The following MLIP variants were observed in gnomAD, a reference collection of about 807,000 sequenced individuals.
MLIP encodes muscular LMNA interacting protein.
A neutral mutation model predicts 84.8 loss-of-function variants in MLIP; 79 were observed. The ratio of observed to expected loss-of-function variants is 0.93; its 90% CI spans 0.78 to 1.12. The LOEUF is 1.12. MLIP is among the 50% of genes most tolerant of loss of function. MLIP has a pLI of 0.00. For synonymous variants in MLIP, 504 were observed against 463.0 expected, an observed-to-expected ratio of 1.09 and a Z score of -1.14; for missense variants, 1,257 against 1,160.6, an observed-to-expected ratio of 1.08 and a Z score of -1.21.
chr6:54,045,236 T>TA (rs1260276895), intron 1 of MLIP, among the ~76,000 whole-genome samples: 2 of 151,784 alleles, frequency 1.3e-5, no homozygotes, highest in Admixed American at 1.3e-4. Flanking sequence ...TAATCCCAGC[T>TA]ACTCAGGAGG....
intron 4 of MLIP, among the ~76,000 whole-genome samples, chr6:54,146,353 A>G (rs1478280754): frequency 6.6e-6 from 1 of 152,250 alleles, no homozygotes; most frequent in Admixed American, 6.5e-5. Context: ...CTAAAAACAC[A>G]TCTATTAAAC....
intron 8 of MLIP, among the ~76,000 whole-genome samples, chr6:54,168,044 A>G (rs545764615): frequency 1.1e-4 from 17 of 151,984 alleles, no homozygotes; most frequent in African/African-American, 3.9e-4. Flanking sequence ...TTGCCCAGTA[A>G]CTATTCACTT....
chr6:54,183,488 C>A (rs1777087791), intron 9 of MLIP, among the ~76,000 whole-genome samples: 1 of 151,936 alleles, frequency 6.6e-6, no homozygotes, highest in Admixed American at 6.6e-5. Flanking sequence ...TGGGAAGGTG[C>A]CTTATTTCAG....
intron 12 of MLIP, among the ~76,000 whole-genome samples, chr6:54,247,635 A>G (rs9370276): frequency 0.17 from 25,792 of 152,144 alleles, 2,902 homozygotes; most frequent in African/African-American, 0.32. Flanking sequence ...AATGCATAGG[A>G]AGGTGTGGGA....
chr6:54,198,114 G>T (rs1326815166), intron 10 of MLIP, among the ~76,000 whole-genome samples: 1 of 152,104 alleles, frequency 6.6e-6, no homozygotes, highest in Non-Finnish European at 1.5e-5. Context: ...ACATTTTAAT[G>T]TATTGAGTTC....
intron 11 of MLIP, among the ~76,000 whole-genome samples, chr6:54,225,267 C>T (rs141859795): frequency 4.3e-4 from 65 of 152,260 alleles, no homozygotes; most frequent in African/African-American, 1.5e-3. Context: ...TACTACACAC[C>T]TAAGCTATAG....
rs1766187366 is a variant in MLIP, at chr6:54,065,454, G to T, written c.63+46363G>T. Among the ~76,000 whole-genome samples the T allele has an allele frequency of 4.0e-5, 4 of 100,876 alleles. 2 individuals carry two copies. The highest frequency in any genetic ancestry group is 3.7e-4 in the Admixed American group (4 of 10,832). 66.2% of individuals were successfully genotyped at this position (100,876 alleles called of 152,430 possible). ...AAAGGGATTTGCACCAAGGATAAAT[G>T]TTAACTACATCATTATTTCTTTCCA... On this transcript the variant is annotated intron_variant, in intron 1 of 12. Coordinates refer to the MLIP transcript ENST00000274897.
chr6:54,251,665 ATATAT>A (rs1782519133), intron 12 of MLIP, among the ~76,000 whole-genome samples: 1 of 109,850 alleles, frequency 9.1e-6, no homozygotes, highest in African/African-American at 4.2e-5. Flanking sequence ...TAATATAAAT[ATATAT>A]TATAACATAT....
intron 10 of MLIP, among the ~76,000 whole-genome samples, chr6:54,198,759 A>C (rs1031915671): frequency 3.3e-5 from 5 of 152,112 alleles, no homozygotes; most frequent in Admixed American, 1.3e-4. Flanking sequence ...TCCTTCTACA[A>C]TATTATGCTA....
intron 9 of MLIP, among the ~76,000 whole-genome samples, chr6:54,182,242 A>G (rs529975497): frequency 2.6e-4 from 40 of 152,216 alleles, no homozygotes; most frequent in Admixed American, 2.6e-3. Context: ...TGCTCTCTCC[A>G]TCTGTGGGCA....
At chr6:54,249,734 C>CACATATATAT (rs145607176) in intron 12 of MLIP, among the ~76,000 whole-genome samples, 1 of 127,612 alleles carries the variant, frequency 7.8e-6, no homozygotes, top group African/African-American at 2.9e-5. Context: ...CACACACACA[C>CACATATATAT]ATATATATAT....
intron 1 of MLIP, among the ~76,000 whole-genome samples, chr6:54,057,223 C>T (rs1275192951): frequency 6.6e-6 from 1 of 152,202 alleles, no homozygotes; most frequent in East Asian, 1.9e-4. Flanking sequence ...CTGGTTCTAG[C>T]ACACAACACA....
rs1370585021 is a variant in MLIP, at chr6:54,064,343, C to T, written c.63+45252C>T. 2.0e-5 allele frequency among the ~76,000 whole-genome samples: 2 copies of T among 100,186 alleles called. 1 individual carries two copies. The highest frequency in any genetic ancestry group is 7.1e-4 in the South Asian group (2 of 2,806). The allele number at this position is 100,186 out of a possible 152,430, so 65.7% of individuals were successfully genotyped here. On this transcript the variant is annotated intron_variant, in intron 1 of 12. Coordinates refer to the MLIP transcript ENST00000274897. ...TGATGGTTAAAGGTTTGTCACCCTT[C>T]GGCTTGCTGCCCTGCACAATCAATG... is the stretch of plus-strand genomic sequence containing the variant.
intron 4 of MLIP, among the ~76,000 whole-genome samples, chr6:54,139,646 T>C (rs1213942341): frequency 6.6e-6 from 1 of 152,178 alleles, no homozygotes; most frequent in Non-Finnish European, 1.5e-5. Flanking sequence ...TTTGTAACTA[T>C]ATGAAGTTGA....
At chr6:54,130,480 C>G (rs760106987) in intron 3 of MLIP, among the ~76,000 whole-genome samples, 8 of 152,032 alleles carry the variant, frequency 5.3e-5, no homozygotes, top group Non-Finnish European at 7.4e-5. Flanking sequence ...GGGGTTAGAC[C>G]CTCTTCAAGG....
chr6:54,086,006 A>T (rs1767463074), intron 1 of MLIP, among the ~76,000 whole-genome samples: 1 of 152,166 alleles, frequency 6.6e-6, no homozygotes, highest in Non-Finnish European at 1.5e-5. Context: ...ACCTGCCATG[A>T]CAGCCTGAAT....
In MLIP at chr6:54,230,712, A is replaced by G. The variant is rs200547096; in HGVS notation, c.2719-2A>G. On this transcript the variant is annotated splice_acceptor_variant, in intron 11 of 13. Transcript: ENST00000502396. LOFTEE classifies it high-confidence loss of function. The stretch of plus-strand genomic sequence containing the variant: ...TCTTATGCCTTTCTTCTTCCCCACC[A>G]GGATGTAACAGTCCCTCCCAAGCCT... 2 of 1,613,696 alleles carry G rather than the reference A, an allele frequency of 1.2e-6. No individual in the cohort carries two copies. The highest frequency in any genetic ancestry group is 1.7e-6 in the Non-Finnish European group (2 of 1,179,888).
Position 54,137,647 on chromosome 6 carries a change from A to G in MLIP, c.1578A>G (p.Thr526=). The G allele has an allele frequency of 6.5e-7, 1 of 1,536,068 alleles. No homozygotes were observed. Among genetic ancestry groups the G allele is most frequent in the South Asian group, 1.2e-5 (1 of 84,062 alleles). The change falls in exon 4 of 14, where the codon ACA becomes ACG. Residue 526 remains threonine, a synonymous_variant. Coordinates refer to ENST00000502396, the MANE Select transcript of MLIP (RefSeq NM_001281747.2). ...TTGCTTCCATGAATGTAGAGAGAAC[A>G]CCATCACCTACTTTGAAGAGCAATA... ...SSLASMNVER[T]PSPTLKSNTM...
chr6:54,214,379 T>C (rs1317880095), intron 11 of MLIP, among the ~76,000 whole-genome samples: 1 of 152,154 alleles, frequency 6.6e-6, no homozygotes, highest in African/African-American at 2.4e-5. Context: ...TTCTCTCTAA[T>C]CTCTTATTCC....
Sources: gnomAD v4.1 joint callset for allele counts (sites outside exome capture counted in the v4.1 genomes callset) on GRCh38, gnomAD v4.1.1 for gene constraint, MANE v1.5 for transcripts, NCBI Gene and HGNC (gene_info 2026-07-23, HGNC 2026-07-21) for gene names.